PLB1: variants seen among roughly 807,000 people sequenced by gnomAD.
PLB1 encodes the protein phospholipase B1.
In PLB1, 242 loss-of-function variants were observed where a neutral mutation model predicts 227.4. That is an observed-to-expected ratio of 1.06 (90% CI 0.96 to 1.18). PLB1 has a LOEUF of 1.18. Among genes scored for constraint, PLB1 ranks in the 50% most tolerant of loss-of-function variants. The pLI, the probability that PLB1 is intolerant of heterozygous loss-of-function variation, is 0.00. For synonymous variants in PLB1, 757 were observed against 682.2 expected (o/e 1.11, Z -1.71); for missense variants, 1,858 against 1,816.3 (o/e 1.02, Z -0.42).
intron 56 of PLB1, 65 bp from the exon 57 acceptor site, chr2:28,640,862 C>G: frequency 6.7e-7 from 1 of 1,487,540 alleles, no homozygotes; most frequent in Non-Finnish European, 9.2e-7. Flanking sequence ...TGTGAGACAC[C>G]CCCTCAGAGA....
chr2:28,506,605 G>A (rs1667664045), intron 1 of PLB1, among the ~76,000 whole-genome samples: 1 of 152,196 alleles, frequency 6.6e-6, no homozygotes, highest in Non-Finnish European at 1.5e-5. Flanking sequence ...CTAAACTGGT[G>A]GAGTGACCGG....
intron 13 of PLB1, 116 bp downstream of exon 13, chr2:28,541,927 G>A (rs1672553207): frequency 2.5e-6 from 2 of 785,186 alleles, no homozygotes; most frequent in Non-Finnish European, 4.2e-6. Context: ...GAGATCAGGA[G>A]TTGAAGACCA....
At chr2:28,577,983 C>A in intron 21 of PLB1, 124 bp from the exon 22 acceptor site, 1 of 886,398 alleles carries the variant, frequency 1.1e-6, no homozygotes, top group Non-Finnish European at 1.9e-6. Context: ...GGCCTTCAGT[C>A]CATTTTCCTG....
rs1161254250 is a variant in PLB1 at position 28,552,999 on chromosome 2, G to A, written c.1147+8G>A. ...ATACGGTTCCCACCTCAGGTACACA[G>A]CTTGCACCCAGTGATTTTAAAATTC... On this transcript the variant is annotated splice_region_variant and intron_variant, in intron 17 of 57. Transcript: ENST00000327757. 1.2e-6 allele frequency: 2 copies of A among 1,611,628 alleles called. No homozygotes were observed. The highest frequency in any genetic ancestry group is 3.3e-5 in the Admixed American group (2 of 59,986).
chr2:28,541,958 C>T, intron 13 of PLB1, 147 bp downstream of exon 13: 1 of 646,384 alleles, frequency 1.5e-6, no homozygotes, highest in Non-Finnish European at 2.7e-6. Flanking sequence ...CATGGTGAAA[C>T]CCTGTCTCTA....
At chr2:28,562,228 G>T (rs1026576576) in intron 17 of PLB1, among the ~76,000 whole-genome samples, 1 of 152,054 alleles carries the variant, frequency 6.6e-6, no homozygotes, top group Admixed American at 6.6e-5. Flanking sequence ...GTTAATTTTA[G>T]TTATATGAAT....
intron 56 of PLB1, among the ~76,000 whole-genome samples, chr2:28,635,942 G>A (rs1689245356): frequency 6.6e-6 from 1 of 152,178 alleles, no homozygotes; most frequent in African/African-American, 2.4e-5. Context: ...TTAGAATCGT[G>A]ACTCTCAGCT....
rs889083222 is a variant in PLB1 at position 28,544,759 on chromosome 2, A to G, written c.936+1491A>G. ...GGAGGAGGTCACGGAGGGCGTTCCC[A>G]GGCAAAGGGACCTTTGTGAGCAAAG... On this transcript the variant is annotated intron_variant, in intron 14 of 57. Coordinates refer to ENST00000327757, the MANE Select transcript of PLB1 (RefSeq NM_153021.5). Among the ~76,000 whole-genome samples the G allele has an allele frequency of 3.9e-5, 6 of 152,280 alleles. No homozygotes were observed. The East Asian group carries it at 1.2e-3, about 29-fold the overall frequency.
chr2:28,594,271 T>C, intron 33 of PLB1: 1 of 269,146 alleles, frequency 3.7e-6, no homozygotes, highest in Admixed American at 4.6e-5. Flanking sequence ...AGATTAGCAA[T>C]TCGACAAGAG....
At chr2:28,567,511 T>G (rs565613047) in intron 20 of PLB1, among the ~76,000 whole-genome samples, 3 of 142,574 alleles carry the variant, frequency 2.1e-5, no homozygotes, top group Non-Finnish European at 4.5e-5. Context: ...CTCACTCTGT[T>G]GCCAGGCTGG....
intron 17 of PLB1, among the ~76,000 whole-genome samples, chr2:28,560,004 G>A (rs1056582160): frequency 5.3e-5 from 8 of 151,970 alleles, no homozygotes; most frequent in East Asian, 1.9e-4. Context: ...TGCCCGTGTC[G>A]GCCTCCCAAA....
At chr2:28,630,108 C>CACTGGAGCCCTGAGGG (rs1475976651) in intron 53 of PLB1, among the ~76,000 whole-genome samples, 1 of 152,174 alleles carries the variant, frequency 6.6e-6, no homozygotes, top group Non-Finnish European at 1.5e-5. Context: ...AGACTTCCCA[C>CACTGGAGCCCTGAGGG]ACTGGAGCCC....
rs1198048347 is a variant in PLB1, at chr2:28,552,977, C to T, written c.1133C>T (p.Thr378Met). Residue 378 changes from threonine (T) to methionine (M), a missense_variant, in exon 17 of 58, where the codon ACG becomes ATG. Thr to Met is a moderately conservative substitution (Grantham distance 81, BLOSUM62 -1). Coordinates refer to ENST00000327757, the MANE Select transcript of PLB1 (RefSeq NM_153021.5). ...IRCPDKDPSD[T>M]VPTSVHRLKP... ...TGTCCTGACAAAGACCCCTCCGATA[C>T]GGTTCCCACCTCAGGTACACAGCTT... 1.8e-5 allele frequency: 29 copies of T among 1,613,436 alleles called. No individual in the cohort carries two copies. The highest frequency in any genetic ancestry group is 2.2e-5 in the Non-Finnish European group (26 of 1,179,536).
chr2:28,607,177 A>T (rs1684799301), intron 43 of PLB1, among the ~76,000 whole-genome samples: 1 of 152,132 alleles, frequency 6.6e-6, no homozygotes, highest in South Asian at 2.1e-4. Context: ...GCAGGTTCTC[A>T]TTGTCTTCAG....
At chr2:28,528,259 C>T (rs1670535935) in intron 6 of PLB1, among the ~76,000 whole-genome samples, 1 of 152,196 alleles carries the variant, frequency 6.6e-6, no homozygotes, top group Admixed American at 6.5e-5. Context: ...CCAGGAAGCC[C>T]CGAGGCACTT....
At position 28,598,719 on chromosome 2, in the gene PLB1, G is replaced by C; in HGVS notation, c.2433G>C (p.Thr811=). The change falls in exon 35 of 58, where the codon ACG becomes ACC. Residue 811 remains threonine, a synonymous_variant. Coordinates refer to ENST00000327757, the MANE Select transcript of PLB1 (RefSeq NM_153021.5). ...TGGGCACGGGTGATGCCAATGACAC[G>C]AATGCATTCCTCAATCAAGCTGTTC... The part of the protein sequence containing the change: ...YAVGTGDAND[T]NAFLNQAVPG... 1 of 1,614,206 alleles carries C rather than the reference G, an allele frequency of 6.2e-7. No homozygotes were observed. The highest frequency in any genetic ancestry group is 1.1e-5 in the South Asian group (1 of 91,082).
intron 32 of PLB1, 79 bp downstream of exon 32, chr2:28,592,798 G>A: frequency 1.5e-6 from 2 of 1,358,372 alleles, no homozygotes; most frequent in South Asian, 1.3e-5. Flanking sequence ...TTAAGGGTCT[G>A]CATGCCTGTC....
intron 32 of PLB1, 123 bp from the exon 33 acceptor site, chr2:28,593,558 T>A (rs10176136): frequency 1.3e-6 from 1 of 764,680 alleles, no homozygotes; most frequent in South Asian, 1.6e-5. Context: ...GGCTCCTGGT[T>A]CCATGTCTGC....
chr2:28,538,722 T>A (rs1196635959), intron 10 of PLB1, among the ~76,000 whole-genome samples: 1 of 152,148 alleles, frequency 6.6e-6, no homozygotes, highest in Non-Finnish European at 1.5e-5. Context: ...GTGACCGTGA[T>A]GCTGCTGCAG....
Sources: allele counts gnomAD v4.1 joint callset (sites outside exome capture counted in the v4.1 genomes callset), GRCh38; gene constraint gnomAD v4.1.1; transcripts MANE v1.5; gene names NCBI Gene and HGNC (gene_info 2026-07-23, HGNC 2026-07-21).